TOR1AIP2: variants seen among roughly 807,000 people sequenced by gnomAD.
TOR1AIP2 encodes torsin 1A interacting protein 2.
TOR1AIP2 carries 20 observed loss-of-function variants against 32.6 expected under a neutral mutation model. The ratio of observed to expected loss-of-function variants is 0.61; its 90% confidence interval spans 0.43 to 0.89. The LOEUF (loss-of-function observed/expected upper bound fraction) is 0.89, where lower values mean the gene tolerates loss of function less well. Among genes scored for constraint, TOR1AIP2 ranks in the 40% least tolerant of loss-of-function variants. The pLI is 0.00. For synonymous variants in TOR1AIP2, 214 were observed against 210.8 expected (o/e 1.02, Z -0.13); for missense variants, 456 against 553.8 (o/e 0.82, Z 1.77).
At chr1:179,850,805 G>T in intron 5 of TOR1AIP2, 40 bp downstream of exon 5, 1 of 1,580,768 alleles carries the variant, frequency 6.3e-7, no homozygotes. Flanking sequence ...AGTTAACAGA[G>T]CAGTACAAAA....
intron 3 of TOR1AIP2, among the ~76,000 whole-genome samples, chr1:179,857,345 A>C (rs1203466065): frequency 6.6e-6 from 1 of 152,186 alleles, no homozygotes; most frequent in Non-Finnish European, 1.5e-5. Context: ...AGTTGTCTCC[A>C]TCAAGGCTTG....
chr1:179,877,136 C>G (rs1647388621), intron 2 of TOR1AIP2, 103 bp downstream of exon 2: 1 of 152,056 alleles, frequency 6.6e-6, no homozygotes, highest in African/African-American at 2.4e-5. Context: ...CGGCTTCTCA[C>G]CTTAAAGTCT....
chr1:179,859,216 C>T (rs1696419387), intron 3 of TOR1AIP2: 2 of 965,810 alleles, frequency 2.1e-6, no homozygotes, highest in South Asian at 4.8e-5. Context: ...TATTGAGTGC[C>T]TTCTTTGTGC....
chr1:179,870,616 G>A (rs545624075), intron 2 of TOR1AIP2, among the ~76,000 whole-genome samples: 144 of 151,646 alleles, frequency 9.5e-4, no homozygotes, highest in African/African-American at 3.2e-3. Flanking sequence ...TAATAATTTC[G>A]TTTTCTCATT....
Position 179,852,657 on chromosome 1 carries a change from G to C in TOR1AIP2, c.9C>G (p.Asp3Glu). 1.2e-6 allele frequency: 2 copies of C among 1,614,016 alleles called. No individual in the cohort carries two copies. Among genetic ancestry groups the C allele is most frequent in the Non-Finnish European group, 1.7e-6 (2 of 1,179,980 alleles). The change falls in exon 4 of 7, where the codon GAC becomes GAG. Residue 3 changes from aspartate to glutamate, a missense_variant. Asp to Glu is a conservative substitution (Grantham distance 45). Coordinates refer to ENST00000609928, the MANE Select transcript of TOR1AIP2 (RefSeq NM_001199260.2). Reference sequence around the variant, plus strand: ...CCTCTTGAGGTTCCCTAAGTCCACTGTCGGCCATGTTTGTGTTCTATCTCT... The same window carrying C: ...CCTCTTGAGGTTCCCTAAGTCCACTCTCGGCCATGTTTGTGTTCTATCTCT... MA[D>E]SGLREPQEDS... is the part of the protein sequence containing the mutation.
intron 3 of TOR1AIP2, among the ~76,000 whole-genome samples, chr1:179,858,590 A>C (rs1404862535): frequency 1.3e-5 from 2 of 152,244 alleles, no homozygotes; most frequent in Non-Finnish European, 2.9e-5. Flanking sequence ...TCTGTAAAAA[A>C]AAATTAAGTA....
intron 3 of TOR1AIP2, chr1:179,864,818 T>C (rs1696702363): frequency 6.2e-7 from 1 of 1,611,410 alleles, no homozygotes; most frequent in East Asian, 2.2e-5. Context: ...TAAGGTTTTA[T>C]CTGTTCTGGT....
At chr1:179,871,217 A>G (rs1696999546) in intron 2 of TOR1AIP2, among the ~76,000 whole-genome samples, 1 of 152,258 alleles carries the variant, frequency 6.6e-6, no homozygotes, top group Non-Finnish European at 1.5e-5. Context: ...CAGTGAGCAA[A>G]AAAACAAAAT....
rs1405039936 is a variant in TOR1AIP2 at position 179,840,964 on chromosome 1, C to T, written c.*5107G>A. ...TAGCTAGAAATGAATTTTAACAGCCCTGTCTCAGTCTGAATGAGGCAAATT... is the reference window on the plus strand; with the variant it reads ...TAGCTAGAAATGAATTTTAACAGCCTTGTCTCAGTCTGAATGAGGCAAATT... On this transcript the variant is annotated 3_prime_UTR_variant, in exon 7 of 7. Transcript: ENST00000609928. 6.6e-6 allele frequency: 1 copy of T among 151,502 alleles called. No homozygotes were observed. Among genetic ancestry groups the T allele is most frequent in the African/African-American group, 2.4e-5 (1 of 41,042 alleles). The allele number at this position is 151,502 out of a possible 1,614,324, so 9.4% of individuals were successfully genotyped here.
chr1:179,862,419 A>G, intron 3 of TOR1AIP2: 6 of 984,780 alleles, frequency 6.1e-6, no homozygotes, highest in Non-Finnish European at 6.0e-6. Context: ...AGTTAGTGAT[A>G]AACTAACTAG....
Position 179,863,847 on chromosome 1 carries a change from T to A in TOR1AIP2, c.-147+1589A>T, listed in dbSNP as rs921309267. The A allele has an allele frequency of 7.1e-6, 7 of 985,320 alleles. No individual in the cohort carries two copies. The African/African-American group carries it at 1.2e-4, about 17-fold the overall frequency. 61.0% of individuals were successfully genotyped at this position (985,320 alleles called of 1,614,324 possible). A position where few individuals can be genotyped will look rare whatever the true frequency, so the allele number is the denominator to read the frequency against. ...CTTTGAGATGTTTTCAACAGCTTTT[T>A]CTAAGTGGCTTAACCCCAACTCTGG... is the stretch of plus-strand genomic sequence containing the variant. On this transcript the variant is annotated intron_variant, in intron 3 of 6. Coordinates refer to ENST00000609928, the MANE Select transcript of TOR1AIP2 (RefSeq NM_001199260.2).
chr1:179,871,723 T>C (rs889789778), intron 2 of TOR1AIP2, among the ~76,000 whole-genome samples: 1 of 152,192 alleles, frequency 6.6e-6, no homozygotes, highest in Non-Finnish European at 1.5e-5. Flanking sequence ...TATTTTCTTC[T>C]AGGGGGTACT....
At chr1:179,860,524 A>G (rs1696481285) in intron 3 of TOR1AIP2, 2 of 985,384 alleles carry the variant, frequency 2.0e-6, no homozygotes, top group Admixed American at 1.2e-4. Context: ...CTTATTCCCC[A>G]GTTCTAACTT....
intron 4 of TOR1AIP2, 117 bp from the exon 5 acceptor site, chr1:179,851,480 T>C: frequency 1.3e-6 from 1 of 757,932 alleles, no homozygotes; most frequent in Non-Finnish European, 1.9e-6. Flanking sequence ...TACAAGACAC[T>C]TCCTAAACAT....
chr1:179,850,788 T>C (rs761838923), intron 5 of TOR1AIP2, 57 bp downstream of exon 5: 77 of 1,545,428 alleles, frequency 5.0e-5, no homozygotes, highest in African/African-American at 6.9e-5. Context: ...ACTTCTGCTG[T>C]GTTCTCAGTT....
At position 179,845,209 on chromosome 1, in the gene TOR1AIP2, A is replaced by C. The variant is rs1180078685; in HGVS notation, c.*862T>G. 2.0e-5 allele frequency: 3 copies of C among 152,342 alleles called. No homozygotes were observed. Among genetic ancestry groups the C allele is most frequent in the East Asian group, 1.9e-4 (1 of 5,192 alleles). 9.4% of individuals were successfully genotyped at this position (152,342 alleles called of 1,614,324 possible). ...TGGTTTTCAAACTCGAATATCAGTG[A>C]AACTCTTTGTTCCAATGAAATCTCA... On this transcript the variant is annotated 3_prime_UTR_variant, in exon 7 of 7. Coordinates refer to ENST00000609928, the MANE Select transcript of TOR1AIP2 (RefSeq NM_001199260.2).
In TOR1AIP2 at chr1:179,841,987, G is replaced by C. The variant is rs1695732986; in HGVS notation, c.*4084C>G. ...AGGCCGAGGCGGGTGGATCACTTGA[G>C]GTGAGGAGTTCGAGACCAGCCTGGT... On this transcript the variant is annotated 3_prime_UTR_variant, in exon 7 of 7. Coordinates refer to ENST00000609928, the MANE Select transcript of TOR1AIP2 (RefSeq NM_001199260.2). 1 of 152,276 alleles carries C rather than the reference G, an allele frequency of 6.6e-6. No homozygotes were observed. The highest frequency in any genetic ancestry group is 2.4e-5 in the African/African-American group (1 of 41,448). The allele number at this position is 152,276 out of a possible 1,614,324, so 9.4% of individuals were successfully genotyped here.
Position 179,859,722 on chromosome 1 carries a change from C to T in TOR1AIP2, c.-147+5714G>A, listed in dbSNP as rs1475006790. The T allele has an allele frequency of 9.1e-6, 9 of 985,268 alleles. 1 individual carries two copies. The South Asian group carries it at 3.3e-4, about 36-fold the overall frequency. 61.0% of individuals were successfully genotyped at this position (985,268 alleles called of 1,614,324 possible). On this transcript the variant is annotated intron_variant, in intron 3 of 6. Transcript: ENST00000609928. ...AAAAATCTGCCTTCGGTCATCCATC[C>T]CTCCAGGCCTTTTAATCTTTACACC...
intron 3 of TOR1AIP2, among the ~76,000 whole-genome samples, chr1:179,856,390 TC>T (rs1696302374): frequency 6.6e-6 from 1 of 152,212 alleles, no homozygotes; most frequent in Non-Finnish European, 1.5e-5. Flanking sequence ...ATTTCTATTA[TC>T]TTACAAATGC....
Sources: allele counts gnomAD v4.1 joint callset (sites outside exome capture counted in the v4.1 genomes callset), GRCh38; gene constraint gnomAD v4.1.1; transcripts MANE v1.5; gene names NCBI Gene and HGNC (gene_info 2026-07-23, HGNC 2026-07-21).